The following LETMD1 variants were observed in gnomAD, a reference collection of about 807,000 sequenced individuals.
LETMD1 encodes the protein LETM1 domain-containing protein 1.
A neutral mutation model predicts 43.9 loss-of-function variants in LETMD1; 30 were observed. The observed-to-expected ratio is 0.68, with a 90% CI of 0.51 to 0.93. LETMD1 has a LOEUF of 0.93. Among genes scored for constraint, LETMD1 ranks in the 40% least tolerant of loss-of-function variants. The pLI is 0.00. For synonymous variants in LETMD1, 176 were observed against 163.1 expected, an observed-to-expected ratio of 1.08 and a Z score of -0.60; for missense variants, 413 against 447.7, an observed-to-expected ratio of 0.92 and a Z score of 0.70.
At chr12:51,053,889 TC>T in intron 4 of LETMD1, 29 bp downstream of exon 4, 1 of 1,407,528 alleles carries the variant, frequency 7.1e-7, no homozygotes. Flanking sequence ...CTCCCCAACA[TC>T]TTGAAGATGT....
rs752154467 is a variant in LETMD1, at chr12:51,048,348, G to A, written c.-9G>A. On this transcript the variant is annotated 5_prime_UTR_variant, in exon 1 of 9. Transcript: ENST00000262055. Reference sequence around the variant, plus strand: ...CAACCTCTTCTCTCCCGCTTCTCTCGCTGTGAAGATGGCGCTCTCCAGGGT... The same window carrying A: ...CAACCTCTTCTCTCCCGCTTCTCTCACTGTGAAGATGGCGCTCTCCAGGGT... The A allele has an allele frequency of 1.5e-5, 24 of 1,614,022 alleles. No homozygotes were observed. In the Admixed American group the frequency reaches 2.0e-4, roughly 13 times the overall value.
intron 3 of LETMD1, among the ~76,000 whole-genome samples, chr12:51,053,478 A>G (rs1946744954): frequency 6.6e-6 from 1 of 152,154 alleles, no homozygotes. Context: ...CCCTGTCTCG[A>G]CTAAAAATAC....
chr12:51,056,410 C>G lies in LETMD1; in HGVS notation c.823C>G (p.Arg275Gly), dbSNP rs780626625. 1 of 1,614,156 alleles carries G rather than the reference C, an allele frequency of 6.2e-7. No homozygotes were observed. The highest frequency in any genetic ancestry group is 8.5e-7 in the Non-Finnish European group (1 of 1,180,008). ...CCTGCCTCCTCCCTTGTTGAGACATCGTTTGAAGACTCATACAACTGTGAT... is the reference window on the plus strand; with the variant it reads ...CCTGCCTCCTCCCTTGTTGAGACATGGTTTGAAGACTCATACAACTGTGAT... ...SYLPPPLLRH[R>G]LKTHTTVIHQ... Residue 275 changes from arginine to glycine, a missense_variant, in exon 7 of 9, where the codon CGT becomes GGT. By Grantham distance (125) the Arg-to-Gly change is moderately radical (BLOSUM62 -2). Transcript: ENST00000262055.
chr12:51,056,111 C>T (rs781093640), intron 5 of LETMD1, 33 bp from the exon 6 acceptor site: 3 of 1,610,444 alleles, frequency 1.9e-6, no homozygotes, highest in African/African-American at 2.7e-5. Context: ...TCAGGACTTT[C>T]CTAACATCTA....
Position 51,058,083 on chromosome 12 carries a change from C to T in LETMD1, c.967C>T (p.Arg323Ter), listed in dbSNP as rs370518215. The T allele has an allele frequency of 5.6e-6, 9 of 1,613,688 alleles. No individual in the cohort carries two copies. Among genetic ancestry groups the T allele is most frequent in the African/African-American group, 5.3e-5 (4 of 74,876 alleles). ...TACGCATATTGGTGAAGATAGGTGT[C>T]GAACTTGGCTGGGAGAATGGCTGCA... ...NSTHIGEDRC[R>*]TWLGEWLQIS... The change falls in exon 8 of 9, where the codon CGA (arginine) becomes TGA (stop). Residue 323 changes from arginine to a stop codon, truncating the protein, a stop_gained. Transcript: ENST00000262055. LOFTEE classifies it high-confidence loss of function.
At chr12:51,064,460 C>G (rs1467619999), downstream of LETMD1, 2 of 1,609,538 alleles carry the variant, frequency 1.2e-6, no homozygotes, top group African/African-American at 2.7e-5. Context: ...TCTCAGAGCC[C>G]TGTGCTCCTG....
In LETMD1 at chr12:51,055,875, ACCC is replaced by A. The variant is rs776212968; in HGVS notation, c.516_518del (p.Pro173del). 6.2e-7 allele frequency: 1 copy of A among 1,613,570 alleles called. No individual in the cohort carries two copies. The highest frequency in any genetic ancestry group is 8.5e-7 in the Non-Finnish European group (1 of 1,179,816). ...GCAACTACTGATCAGGCATTTCTGG[ACCC>A]CAAAACAACAAACTGATTTCTTAGA... On this transcript the variant is annotated inframe_deletion, in exon 5 of 9. Transcript: ENST00000262055.
At chr12:51,068,159 TTTTA>T in the LETMD1 span, among the ~76,000 whole-genome samples, 1 of 152,316 alleles carries the variant, frequency 6.6e-6, no homozygotes, top group Non-Finnish European at 1.5e-5. Flanking sequence ...AAAACTGTCA[TTTTA>T]TTTATTTTTT....
intron 2 of LETMD1, chr12:51,049,411 G>GGAGA (rs1945298268): frequency 2.1e-6 from 1 of 471,726 alleles, no homozygotes; most frequent in Admixed American, 3.5e-5. Flanking sequence ...CATGAGGGAG[G>GGAGA]GAGAATATAG....
chr12:51,067,134 C>T, the LETMD1 span, among the ~76,000 whole-genome samples: 6,951 of 151,722 alleles, frequency 0.046, 333 homozygotes, highest in African/African-American at 0.13. The surrounding 1 kb of genome is among the most constrained non-coding windows in gnomAD (Gnocchi z 4.1). Flanking sequence ...CCCAGTCCTG[C>T]TTCCTTTTAT....
At chr12:51,048,289 C>A (rs759987245), upstream of LETMD1, 12 of 1,609,348 alleles carry the variant, frequency 7.5e-6, no homozygotes, top group East Asian at 2.2e-5. Flanking sequence ...CGTCTTCGAA[C>A]GAACGCGACG....
chr12:51,058,225 C>A lies in LETMD1; in HGVS notation c.1012+97C>A, dbSNP rs946524890. 4 of 749,812 alleles carry A rather than the reference C, an allele frequency of 5.3e-6. No homozygotes were observed. In the African/African-American group the frequency reaches 6.9e-5, roughly 13 times the overall value. The allele number at this position is 749,812 out of a possible 1,614,324, so 46.4% of individuals were successfully genotyped here. ...GAGTTAATTATTGAGTACTGTGAGACATATATATACATACATCTAATTGAA... is the reference window on the plus strand; with the variant it reads ...GAGTTAATTATTGAGTACTGTGAGAAATATATATACATACATCTAATTGAA... On this transcript the variant is annotated intron_variant, in intron 8 of 8. Transcript: ENST00000262055.
upstream of LETMD1, chr12:51,048,264 C>T (rs747855952): frequency 1.4e-5 from 22 of 1,555,160 alleles, no homozygotes; most frequent in South Asian, 2.3e-4. Flanking sequence ...AATCAGCGCT[C>T]AGAAAAGACG....
At chr12:51,068,803 A>T in the LETMD1 span, among the ~76,000 whole-genome samples, 1 of 152,224 alleles carries the variant, frequency 6.6e-6, no homozygotes, top group East Asian at 1.9e-4. Context: ...GGGCAAATTA[A>T]AGTGTAGTAA....
At chr12:51,058,309 CAA>C (rs2136743510) in intron 8 of LETMD1, 181 bp downstream of exon 8, 1 of 611,844 alleles carries the variant, frequency 1.6e-6, no homozygotes, top group African/African-American at 1.8e-5. Context: ...GGCCATAAGA[CAA>C]GAGGGAGTAG....
chr12:51,049,448 A>G (rs1477330056), intron 2 of LETMD1: 1 of 355,582 alleles, frequency 2.8e-6, no homozygotes, highest in Non-Finnish European at 5.2e-6. Context: ...TCTTAACCAC[A>G]CACCTGGCTA....
intron 1 of LETMD1, 44 bp from the exon 2 acceptor site, chr12:51,048,990 T>C (rs767572635): frequency 5.0e-6 from 8 of 1,587,888 alleles, no homozygotes; most frequent in Non-Finnish European, 6.9e-6. Flanking sequence ...GTGAGGGAGC[T>C]TCTAGGACTG....
chr12:51,062,516 T>C (rs1319271546), downstream of LETMD1: 1 of 152,236 alleles, frequency 6.6e-6, no homozygotes, highest in African/African-American at 2.4e-5. Flanking sequence ...TTCCATTCTA[T>C]ACGCTTCAAA....
At chr12:51,063,555 T>C (rs1937785190), downstream of LETMD1, 1 of 468,158 alleles carries the variant, frequency 2.1e-6, no homozygotes, top group South Asian at 5.1e-5. Context: ...CAGATCAAGG[T>C]AGGGCTGGTC....
Sources: gnomAD v4.1 joint callset for allele counts (sites outside exome capture counted in the v4.1 genomes callset) on GRCh38, gnomAD v4.1.1 for gene constraint, Gnocchi (gnomAD v3.1) non-coding constraint, MANE v1.5 for transcripts, NCBI Gene and HGNC (gene_info 2026-07-23, HGNC 2026-07-21) for gene names.